Variants in HIPK3 observed in about 807,000 individuals in gnomAD.
HIPK3 encodes homeodomain interacting protein kinase 3.
In HIPK3, 47 loss-of-function variants were observed where a neutral mutation model predicts 124.2. That is an observed-to-expected ratio of 0.38 (90% confidence interval 0.30 to 0.48). The LOEUF is 0.48. Among genes scored for constraint, HIPK3 ranks in the 20% least tolerant of loss-of-function variants. The probability of loss-of-function intolerance (pLI) is 0.98; values close to 1 mark genes in which losing one functional copy is unlikely to be tolerated. For synonymous variants in HIPK3, 482 were observed against 515.2 expected (o/e 0.94, Z 0.87); for missense variants, 1,286 against 1,454.3 (o/e 0.88, Z 1.88).
intron 8 of HIPK3, among the ~76,000 whole-genome samples, chr11:33,343,092 C>T (rs1188058250): frequency 1.3e-5 from 2 of 152,100 alleles, no homozygotes; most frequent in Non-Finnish European, 2.9e-5. Flanking sequence ...TGAGTCAGGA[C>T]ACCTGGAATC....
chr11:33,339,387 T>C lies in HIPK3; in HGVS notation c.1466T>C (p.Leu489Ser), dbSNP rs540576523. The C allele has an allele frequency of 9.9e-6, 16 of 1,613,704 alleles. No individual in the cohort carries two copies. The East Asian group carries it at 3.1e-4, about 32-fold the overall frequency. The change falls in exon 6 of 17, where the codon TTG (leucine) becomes TCG (serine). Residue 489 changes from leucine (L) to serine (S), a missense_variant. Physicochemically the swap from Leu to Ser is moderately radical, Grantham distance 145. Transcript: ENST00000303296. ...TVMDLEGSDL[L>S]AEKADRREFV... ...ATGGATTTGGAAGGAAGTGATCTTT[T>C]GGCTGAGAAAGCTGATAGAAGAGAA...
chr11:33,291,674 A>T (rs1435166524), intron 2 of HIPK3, among the ~76,000 whole-genome samples: 1 of 152,186 alleles, frequency 6.6e-6, no homozygotes, highest in Non-Finnish European at 1.5e-5. Context: ...TTAGCGGCAG[A>T]AGGTGCTGTA....
chr11:33,338,682 T>C, intron 4 of HIPK3, 75 bp from the exon 5 acceptor site: 1 of 836,684 alleles, frequency 1.2e-6, no homozygotes, highest in Admixed American at 2.2e-5. Context: ...ATATTTAATA[T>C]ATTAGACTAA....
chr11:33,341,744 T>G (rs936766184), intron 8 of HIPK3, 58 bp downstream of exon 8: 1 of 1,455,152 alleles, frequency 6.9e-7, no homozygotes, highest in Non-Finnish European at 9.4e-7. Context: ...TAAAATAAGT[T>G]TAGGAATCTG....
chr11:33,260,661 T>C (rs1326867750), intron 1 of HIPK3, among the ~76,000 whole-genome samples: 3 of 152,182 alleles, frequency 2.0e-5, no homozygotes, highest in Non-Finnish European at 4.4e-5. Context: ...AAAATGTAGT[T>C]CCCATTGGAA....
intron 14 of HIPK3, 38 bp from the exon 15 acceptor site, chr11:33,351,570 A>C (rs1393788563): frequency 6.8e-7 from 1 of 1,462,702 alleles, no homozygotes; most frequent in Admixed American, 1.7e-5. Context: ...TAATGTTGGA[A>C]AAAAATATCA....
rs1196504130 is a variant in HIPK3 at position 33,258,535 on chromosome 11, G to A, written c.-3+646G>A. The A allele has an allele frequency of 5.1e-6, 5 of 985,412 alleles. No homozygotes were observed. The East Asian group carries it at 5.7e-4, about 112-fold the overall frequency. 61.0% of individuals were successfully genotyped at this position (985,412 alleles called of 1,614,324 possible). On this transcript the variant is annotated intron_variant, in intron 1 of 16. Transcript: ENST00000303296. The stretch of plus-strand genomic sequence containing the variant: ...CTCCGCGTCCCCAGCGGCGGCGGGA[G>A]GAAGGCGTGGCGGCCGCGCGGCGGG...
rs770671488 is a variant in HIPK3 at position 33,337,205 on chromosome 11, A to T, written c.1341+11A>T. 6.7e-7 allele frequency: 1 copy of T among 1,485,318 alleles called. No homozygotes were observed. The highest frequency in any genetic ancestry group is 9.3e-7 in the Non-Finnish European group (1 of 1,080,728). The allele number at this position is 1,485,318 out of a possible 1,614,324, so 92.0% of individuals were successfully genotyped here. A position where few individuals can be genotyped will look rare whatever the true frequency, so the allele number is the denominator to read the frequency against. On this transcript the variant is annotated intron_variant, in intron 4 of 16. Coordinates refer to ENST00000303296, the MANE Select transcript of HIPK3 (RefSeq NM_005734.5). Reference sequence around the variant, plus strand: ...GGTTGGAGATTAAAGGTAATTCATTAAAAAATAGAATATTTAGAAGACTAG... The same window carrying T: ...GGTTGGAGATTAAAGGTAATTCATTTAAAAATAGAATATTTAGAAGACTAG...
At position 33,353,506 on chromosome 11, in the gene HIPK3, T is replaced by C. The variant is rs200574738; in HGVS notation, c.3586T>C (p.Ser1196Pro). Reference protein sequence around the residue: ...IFPPHSYIAASPAYTGFPLSP... With the variant: ...IFPPHSYIAAPPAYTGFPLSP... ...CCCACCACATTCTTACATTGCAGCA[T>C]CACCTGCATATACTGGATTTCCACT... is the stretch of plus-strand genomic sequence containing the variant. Residue 1196 changes from serine to proline, a missense_variant, in exon 17 of 17, where the codon TCA (serine) becomes CCA (proline). Ser to Pro is a moderately conservative substitution (Grantham distance 74, BLOSUM62 -1). Transcript: ENST00000303296. 6.2e-7 allele frequency: 1 copy of C among 1,613,992 alleles called. No individual in the cohort carries two copies. The highest frequency in any genetic ancestry group is 2.2e-5 in the East Asian group (1 of 44,878).
In HIPK3 at chr11:33,348,697, G is replaced by C. The variant is rs956534187; in HGVS notation, c.2545G>C (p.Val849Leu). 6.2e-7 allele frequency: 1 copy of C among 1,614,178 alleles called. No homozygotes were observed. Residue 849 changes from valine to leucine, a missense_variant, in exon 13 of 17, where the codon GTT (valine) becomes CTT (leucine). This residue lies in a region of HIPK3 where 810 missense variants were observed against 864.9 expected (regional missense o/e 0.94). Coordinates refer to ENST00000303296, the MANE Select transcript of HIPK3 (RefSeq NM_005734.5). ...TATCAGACAGGACTCTGATTCATCA[G>C]TTTCAGACAAACAGCGGCAAACCAT... ...TSIRQDSDSSVSDKQRQTIII... is the reference protein window; with the variant it reads ...TSIRQDSDSSLSDKQRQTIII...
At chr11:33,258,804 T>G in intron 1 of HIPK3, 1 of 860,968 alleles carries the variant, frequency 1.2e-6, no homozygotes, top group Non-Finnish European at 1.4e-6. Flanking sequence ...TCGTAACACG[T>G]TCAGGCCTTG....
chr11:33,301,529 G>A (rs1270997191), intron 2 of HIPK3, among the ~76,000 whole-genome samples: 1 of 151,162 alleles, frequency 6.6e-6, no homozygotes, highest in Non-Finnish European at 1.5e-5. Flanking sequence ...TCTAATGCCT[G>A]TAATCCCAGC....
In HIPK3 at chr11:33,286,339, T is replaced by TG. The variant is rs1403137218; in HGVS notation, c.-2-73dup. The TG allele has an allele frequency of 6.9e-6, 9 of 1,303,372 alleles. No homozygotes were observed. The Admixed American group carries it at 2.7e-4, about 38-fold the overall frequency. The allele number at this position is 1,303,372 out of a possible 1,614,324, so 80.7% of individuals were successfully genotyped here. On this transcript the variant is annotated intron_variant, in intron 1 of 16. Coordinates refer to ENST00000303296, the MANE Select transcript of HIPK3 (RefSeq NM_005734.5). ...GAGTTTTCTTCCTGATATTTAAAATTGAAAAAAAAATTGTTGACATTAATA... is the reference window on the plus strand; with the variant it reads ...GAGTTTTCTTCCTGATATTTAAAATTGGAAAAAAAAATTGTTGACATTAATA...
chr11:33,294,153 G>C (rs11032222), intron 2 of HIPK3, among the ~76,000 whole-genome samples: 98,922 of 147,792 alleles, frequency 0.67, 33,034 homozygotes, highest in Non-Finnish European at 0.72. Context: ...GACTCCATCT[G>C]AAAAAGAAAA....
chr11:33,352,364 A>C lies in HIPK3; in HGVS notation c.3171+99A>C, dbSNP rs1335994350. On this transcript the variant is annotated intron_variant, in intron 16 of 16. Transcript: ENST00000303296. ...GCTTCTGAAACTGTATGTAGTGTTA[A>C]TGAATTTTTCCCTTCTCATTATCCC... The C allele has an allele frequency of 3.8e-6, 5 of 1,319,978 alleles. No individual in the cohort carries two copies. The East Asian group carries it at 9.3e-5, about 25-fold the overall frequency. The allele number at this position is 1,319,978 out of a possible 1,614,324, so 81.8% of individuals were successfully genotyped here.
chr11:33,335,688 G>A (rs1023805326), intron 3 of HIPK3: 19 of 152,002 alleles, frequency 1.2e-4, no homozygotes, highest in African/African-American at 4.6e-4. Flanking sequence ...TTTGTATTTG[G>A]TGGGGAGAGA....
chr11:33,306,196 G>A (rs567048469), intron 2 of HIPK3, among the ~76,000 whole-genome samples: 1 of 152,244 alleles, frequency 6.6e-6, no homozygotes, highest in South Asian at 2.1e-4. Flanking sequence ...TTACGTGTAT[G>A]TTATAGGAAT....
At chr11:33,310,281 T>TTATCTATCTATCTATCTATC (rs61094230) in intron 2 of HIPK3, among the ~76,000 whole-genome samples, 11,933 of 120,866 alleles carry the variant, frequency 0.099, 700 homozygotes, top group East Asian at 0.11. Flanking sequence ...TCTGTCTATC[T>TTATCTATCTATCTATCTATC]TATCTATCTA....
At chr11:33,318,807 A>G (rs1590396270) in intron 2 of HIPK3, among the ~76,000 whole-genome samples, 1 of 152,238 alleles carries the variant, frequency 6.6e-6, no homozygotes, top group Non-Finnish European at 1.5e-5. Context: ...CCTGCTCTGT[A>G]GAAAATAAAA....
Sources: gnomAD v4.1 joint callset for allele counts (sites outside exome capture counted in the v4.1 genomes callset) on GRCh38, gnomAD v4.1.1 for gene constraint, gnomAD v4.1.1 regional missense constraint, MANE v1.5 for transcripts, NCBI Gene and HGNC (gene_info 2026-07-23, HGNC 2026-07-21) for gene names.